CNTNAP5: variants seen among roughly 807,000 people sequenced by gnomAD.
CNTNAP5 encodes contactin-associated protein-like 5.
A neutral mutation model predicts 150.2 loss-of-function variants in CNTNAP5; 72 were observed. The observed-to-expected ratio is 0.48, with a 90% CI of 0.40 to 0.58. The LOEUF is 0.58. CNTNAP5 is among the 20% of genes least tolerant of loss of function. CNTNAP5 has a pLI of 0.00. For synonymous variants in CNTNAP5, 672 were observed against 619.8 expected (o/e 1.08, Z -1.25); for missense variants, 1,636 against 1,626.2 (o/e 1.01, Z -0.10).
chr2:124,641,903 T>C (rs1463758563), intron 12 of CNTNAP5, among the ~76,000 whole-genome samples: 1 of 152,252 alleles, frequency 6.6e-6, no homozygotes, highest in African/African-American at 2.4e-5. Flanking sequence ...TCTCCTTTTT[T>C]ACTTTCCTTT....
intron 1 of CNTNAP5, among the ~76,000 whole-genome samples, chr2:124,108,450 G>A (rs917438262): frequency 3.3e-5 from 5 of 152,046 alleles, no homozygotes; most frequent in Admixed American, 1.3e-4. Context: ...CGAGCAGCCC[G>A]GAAGACACTT....
At chr2:124,567,868 GATAGATAGATAGAT>G (rs1696065752) in intron 11 of CNTNAP5, among the ~76,000 whole-genome samples, 1 of 143,892 alleles carries the variant, frequency 6.9e-6, no homozygotes, top group African/African-American at 2.5e-5. Flanking sequence ...TAGATAGATA[GATAGATAGATAGAT>G]ATAGATAGAT....
At chr2:124,735,267 G>A (rs1680357614) in intron 13 of CNTNAP5, among the ~76,000 whole-genome samples, 1 of 152,166 alleles carries the variant, frequency 6.6e-6, no homozygotes, top group African/African-American at 2.4e-5. Context: ...TATACTTTGA[G>A]AGATGCTGAT....
chr2:124,550,666 C>T (rs1280595134), intron 10 of CNTNAP5, among the ~76,000 whole-genome samples: 1 of 152,180 alleles, frequency 6.6e-6, no homozygotes, highest in East Asian at 1.9e-4. Flanking sequence ...ATTAAATCTA[C>T]AGCCCCTCTG....
At chr2:124,042,372 A>G (rs1215851262) in intron 1 of CNTNAP5, among the ~76,000 whole-genome samples, 2 of 152,166 alleles carry the variant, frequency 1.3e-5, no homozygotes, top group Non-Finnish European at 2.9e-5. Context: ...GATAAAGAAT[A>G]TTTTTAAGAA....
In CNTNAP5 at chr2:124,412,360, G is replaced by A. The variant is rs1326301772; in HGVS notation, c.382-5083G>A. Among the ~76,000 whole-genome samples, 37 of 147,616 alleles carry A rather than the reference G, an allele frequency of 2.5e-4. No homozygotes were observed. The East Asian group carries it at 3.4e-3, about 14-fold the overall frequency. ...CATAAAGCTACCTATGACTTTCTTC[G>A]CAGAATTGGAAAAAACTACTTTAAA... On this transcript the variant is annotated intron_variant, in intron 3 of 23. Coordinates refer to ENST00000682447, the MANE Select transcript of CNTNAP5 (RefSeq NM_001367498.1).
At chr2:124,154,062 C>T (rs1461149810) in intron 1 of CNTNAP5, among the ~76,000 whole-genome samples, 1 of 152,144 alleles carries the variant, frequency 6.6e-6, no homozygotes, top group Non-Finnish European at 1.5e-5. Context: ...GGGGCACAAA[C>T]ATTCAGTTCA....
chr2:124,049,760 C>T (rs1038355605), intron 1 of CNTNAP5, among the ~76,000 whole-genome samples: 13 of 152,152 alleles, frequency 8.5e-5, no homozygotes, highest in Admixed American at 3.3e-4. Flanking sequence ...ATACCATAGC[C>T]TAGGTGATTT....
chr2:124,747,392 A>G lies in CNTNAP5; in HGVS notation c.2234+7A>G. The G allele has an allele frequency of 6.2e-7, 1 of 1,613,632 alleles. No individual in the cohort carries two copies. The highest frequency in any genetic ancestry group is 8.5e-7 in the Non-Finnish European group (1 of 1,179,626). ...ACGCTGACAAGGATGAATGGTAATG[A>G]GAATCTCCATCTTTCTGCAATTGTA... On this transcript the variant is annotated splice_region_variant and intron_variant, in intron 14 of 23. Coordinates refer to ENST00000682447, the MANE Select transcript of CNTNAP5 (RefSeq NM_001367498.1).
intron 5 of CNTNAP5, among the ~76,000 whole-genome samples, chr2:124,440,753 G>A (rs1377171550): frequency 6.6e-6 from 1 of 151,832 alleles, no homozygotes; most frequent in Non-Finnish European, 1.5e-5. Flanking sequence ...TATTTCATTA[G>A]AAATAATTAT....
chr2:124,307,175 G>C (rs1031348398), intron 3 of CNTNAP5, among the ~76,000 whole-genome samples: 1 of 152,132 alleles, frequency 6.6e-6, no homozygotes, highest in South Asian at 2.1e-4. Context: ...CAGGGTGCCA[G>C]AATGATTGGG....
chr2:124,087,290 G>A (rs907406725), intron 1 of CNTNAP5, among the ~76,000 whole-genome samples: 3 of 151,752 alleles, frequency 2.0e-5, no homozygotes, highest in Non-Finnish European at 2.9e-5. Context: ...CTACCTTCTT[G>A]ATGTTCCAAA....
chr2:124,647,643 C>A, intron 12 of CNTNAP5, 115 bp from the exon 13 acceptor site: 1 of 881,236 alleles, frequency 1.1e-6, no homozygotes, highest in Non-Finnish European at 1.7e-6. Flanking sequence ...ACTCTCCATA[C>A]GGTACCGGAG....
intron 13 of CNTNAP5, among the ~76,000 whole-genome samples, chr2:124,724,177 T>C (rs1298463939): frequency 1.4e-5 from 2 of 147,378 alleles, no homozygotes; most frequent in Non-Finnish European, 3.0e-5. Flanking sequence ...ATAATAATAA[T>C]GATGATACAG....
intron 17 of CNTNAP5, among the ~76,000 whole-genome samples, chr2:124,785,041 G>GAAAA (rs67254743): frequency 4.0e-5 from 5 of 123,468 alleles, no homozygotes; most frequent in Non-Finnish European, 6.6e-5. Flanking sequence ...TTAAGGCTGA[G>GAAAA]AAAAAAAAAA....
intron 3 of CNTNAP5, among the ~76,000 whole-genome samples, chr2:124,390,138 C>A (rs1292849097): frequency 6.6e-6 from 1 of 152,156 alleles, no homozygotes; most frequent in African/African-American, 2.4e-5. Flanking sequence ...ATGAATCAAT[C>A]TTTCCATTGA....
intron 10 of CNTNAP5, among the ~76,000 whole-genome samples, chr2:124,560,345 C>G (rs10197978): frequency 0.016 from 2,470 of 151,960 alleles, 64 homozygotes; most frequent in African/African-American, 0.056. Context: ...ATGGATAAAC[C>G]TCATCTCTAC....
intron 6 of CNTNAP5, among the ~76,000 whole-genome samples, chr2:124,471,908 T>C (rs538356976): frequency 4.6e-5 from 7 of 152,144 alleles, no homozygotes; most frequent in Non-Finnish European, 8.8e-5. Context: ...TTAAAATGTT[T>C]GAAAACAGCA....
intron 19 of CNTNAP5, among the ~76,000 whole-genome samples, chr2:124,860,383 A>C (rs1157270559): frequency 6.6e-6 from 1 of 151,412 alleles, no homozygotes; most frequent in Non-Finnish European, 1.5e-5. Flanking sequence ...CCACCAAATT[A>C]TTCAATTATT....
Sources: gnomAD v4.1 joint callset for allele counts (sites outside exome capture counted in the v4.1 genomes callset) on GRCh38, gnomAD v4.1.1 for gene constraint, MANE v1.5 for transcripts, NCBI Gene and HGNC (gene_info 2026-07-23, HGNC 2026-07-21) for gene names.